RASGEF1B: variants seen among roughly 807,000 people sequenced by gnomAD.
RASGEF1B encodes ras-GEF domain-containing family member 1B.
Under a neutral mutation model 65.7 loss-of-function variants are expected in RASGEF1B, and 30 were observed. The ratio of observed to expected loss-of-function variants is 0.46; its 90% confidence interval spans 0.34 to 0.62. RASGEF1B has a LOEUF of 0.62. Ranked by LOEUF, RASGEF1B falls within the 20% of genes least tolerant of loss-of-function variation. The pLI is 0.01. For synonymous variants in RASGEF1B, 175 were observed against 194.8 expected (o/e 0.90, Z 0.85); for missense variants, 495 against 580.1 (o/e 0.85, Z 1.51).
chr4:81,455,708 G>C (rs1343252609), intron 4 of RASGEF1B: 1 of 152,316 alleles, frequency 6.6e-6, no homozygotes, highest in East Asian at 1.9e-4. Flanking sequence ...CTTCAAAAAG[G>C]ATAACCTTGA....
chr4:81,466,796 A>AAGAAAGAG, intron 1 of RASGEF1B, among the ~76,000 whole-genome samples: 1 of 149,286 alleles, frequency 6.7e-6, no homozygotes, highest in Non-Finnish European at 1.5e-5. Flanking sequence ...GAAAGAAAGA[A>AAGAAAGAG]AGAAAGAAAG....
chr4:81,445,593 C>T lies in RASGEF1B; in HGVS notation c.861G>A (p.Glu287=), dbSNP rs749935805. 33 of 1,613,902 alleles carry T rather than the reference C, an allele frequency of 2.0e-5. No individual in the cohort carries two copies. The highest frequency in any genetic ancestry group is 2.7e-5 in the Non-Finnish European group (32 of 1,179,906). ...VKKKHRARMI[E]YFIDVARECF... Reference sequence around the variant, plus strand: ...ACTCCCGAGCTACGTCAATGAAATACTCAATCATTCTTGCTCGGTGTTTTT... The same window carrying T: ...ACTCCCGAGCTACGTCAATGAAATATTCAATCATTCTTGCTCGGTGTTTTT... Residue 287 remains glutamate (E), a synonymous_variant, in exon 8 of 14, where the codon GAG becomes GAA. Transcript: ENST00000264400.
intron 4 of RASGEF1B, 88 bp downstream of exon 4, chr4:81,456,563 T>G: frequency 7.1e-7 from 1 of 1,406,888 alleles, no homozygotes; most frequent in Non-Finnish European, 1.0e-6. Context: ...GAGGAAGCAG[T>G]GGAGATTAGG....
intron 1 of RASGEF1B, among the ~76,000 whole-genome samples, chr4:81,461,034 A>G (rs1722625422): frequency 6.6e-6 from 1 of 152,094 alleles, no homozygotes; most frequent in Admixed American, 6.5e-5. Context: ...GTCTGCACAC[A>G]CCCTTAGTTG....
chr4:81,444,392 G>C (rs898137166), intron 8 of RASGEF1B, among the ~76,000 whole-genome samples: 5 of 152,216 alleles, frequency 3.3e-5, no homozygotes, highest in African/African-American at 1.2e-4. Context: ...ATTTTTTATG[G>C]GGGGAGAGAA....
chr4:81,445,763 C>T lies in RASGEF1B; in HGVS notation c.805G>A (p.Val269Ile). 1.9e-6 allele frequency: 3 copies of T among 1,613,878 alleles called. No individual in the cohort carries two copies. The highest frequency in any genetic ancestry group is 2.5e-6 in the Non-Finnish European group (3 of 1,179,828). Reference sequence around the variant, plus strand: ...CTCACCATACAGATTTCTGTAGCAACCAAGTAGCTGAGGCGATTAAACCAT... The same window carrying T: ...CTCACCATACAGATTTCTGTAGCAATCAAGTAGCTGAGGCGATTAAACCAT... ...VEWFNRLSYL[V>I]ATEICMPVKK... is the part of the protein sequence containing the mutation. Residue 269 changes from valine (V) to isoleucine (I), a missense_variant, in exon 7 of 14, where the codon GTT (valine) becomes ATT (isoleucine). By Grantham distance (29) the Val-to-Ile change is conservative. Coordinates refer to ENST00000264400, the MANE Select transcript of RASGEF1B (RefSeq NM_152545.3).
Position 81,441,107 on chromosome 4 carries a change from T to C in RASGEF1B, c.1009-178A>G, listed in dbSNP as rs568512191. On this transcript the variant is annotated intron_variant, in intron 9 of 13. Coordinates refer to ENST00000264400, the MANE Select transcript of RASGEF1B (RefSeq NM_152545.3). ...CACATGACACAAGTGTTTTCTTTCCTGAGATTTGGTGTAATTATGCGAGCT... is the reference window on the plus strand; with the variant it reads ...CACATGACACAAGTGTTTTCTTTCCCGAGATTTGGTGTAATTATGCGAGCT... Among the ~76,000 whole-genome samples the C allele has an allele frequency of 2.6e-5, 4 of 152,356 alleles. No homozygotes were observed. In the East Asian group the frequency reaches 7.7e-4, roughly 29 times the overall value.
intron 4 of RASGEF1B, chr4:81,455,097 T>A (rs1312682591): frequency 6.6e-6 from 1 of 152,276 alleles, no homozygotes; most frequent in Non-Finnish European, 1.5e-5. Flanking sequence ...GGTTTTTAAA[T>A]TTTTCACTTA....
chr4:81,439,713 A>G lies in RASGEF1B; in HGVS notation c.1104+1121T>C, dbSNP rs1020521879. Among the ~76,000 whole-genome samples the G allele has an allele frequency of 2.0e-5, 3 of 152,198 alleles. No homozygotes were observed. The South Asian group carries it at 6.2e-4, about 32-fold the overall frequency. On this transcript the variant is annotated intron_variant, in intron 10 of 13. Coordinates refer to ENST00000264400, the MANE Select transcript of RASGEF1B (RefSeq NM_152545.3). ...CTGTTTGAAGCTTAAAAGACCTCATATTAGATTTTTTTCTCAATCTAATCA... is the reference window on the plus strand; with the variant it reads ...CTGTTTGAAGCTTAAAAGACCTCATGTTAGATTTTTTTCTCAATCTAATCA...
rs377472621 is a variant in RASGEF1B at position 81,459,332 on chromosome 4, A to G, written c.177T>C (p.Asp59=). ...HLVPNVDYYP[D]RTYIFTFLLS... ...GTTTCAGAGAAACATGAATACCTAC[A>G]TCTGGATAGTAATCCACATTAGGTA... is the stretch of plus-strand genomic sequence containing the variant. The change falls in exon 2 of 14, where the codon GAT becomes GAC. Residue 59 remains aspartate, a splice_region_variant and synonymous_variant. Transcript: ENST00000264400. 1.3e-6 allele frequency: 2 copies of G among 1,585,178 alleles called. No homozygotes were observed. The highest frequency in any genetic ancestry group is 2.7e-5 in the African/African-American group (2 of 73,752).
In RASGEF1B at chr4:81,433,849, T is replaced by C; in HGVS notation, c.1315A>G (p.Ser439Gly). 1.2e-6 allele frequency: 2 copies of C among 1,613,992 alleles called. No individual in the cohort carries two copies. Among genetic ancestry groups the C allele is most frequent in the South Asian group, 1.1e-5 (1 of 91,052 alleles). Residue 439 changes from serine to glycine, a missense_variant, in exon 12 of 14, where the codon AGT (serine) becomes GGT (glycine). Transcript: ENST00000264400. ...LQYLLTVPVF[S>G]EDALYLASYE... ...TATTGAATGGCCTTACCATCTTCAC[T>C]GAAGACTGGTACTGTGAGCAGATAC...
At chr4:81,470,983 C>T (rs920483942) in intron 1 of RASGEF1B, 1 of 152,244 alleles carries the variant, frequency 6.6e-6, no homozygotes, top group Admixed American at 6.5e-5. Context: ...TTAGAAAGAA[C>T]CTCCCTTAAG....
chr4:81,432,292 G>A lies in RASGEF1B; in HGVS notation c.1397+7C>T. 1 of 1,588,370 alleles carries A rather than the reference G, an allele frequency of 6.3e-7. No homozygotes were observed. Among genetic ancestry groups the A allele is most frequent in the Non-Finnish European group, 8.6e-7 (1 of 1,157,756 alleles). On this transcript the variant is annotated splice_region_variant and intron_variant, in intron 13 of 13. Coordinates refer to ENST00000264400, the MANE Select transcript of RASGEF1B (RefSeq NM_152545.3). Reference sequence around the variant, plus strand: ...ACTTGTGCAGCAATGAGAAGAATGAGACCCACCTTAAAGACTTCCATCTGT... The same window carrying A: ...ACTTGTGCAGCAATGAGAAGAATGAAACCCACCTTAAAGACTTCCATCTGT...
chr4:81,462,036 T>G (rs1269216369), intron 1 of RASGEF1B, among the ~76,000 whole-genome samples: 3 of 152,218 alleles, frequency 2.0e-5, no homozygotes, highest in Admixed American at 6.5e-5. Flanking sequence ...TATTTATTCC[T>G]GCAGAGTAGA....
At chr4:81,467,338 AAAAC>A (rs1332968740) in intron 1 of RASGEF1B, among the ~76,000 whole-genome samples, 2 of 152,190 alleles carry the variant, frequency 1.3e-5, no homozygotes, top group Non-Finnish European at 2.9e-5. Context: ...CCTTGGAAGA[AAAAC>A]AAAGCTAAGA....
chr4:81,445,638 A>G lies in RASGEF1B; in HGVS notation c.826-10T>C, dbSNP rs778139604. ...GTTTTTTCTTAACAGGCTACACAGTAAAAGACAATAGAGGGCAGTTATCCA... is the reference window on the plus strand; with the variant it reads ...GTTTTTTCTTAACAGGCTACACAGTGAAAGACAATAGAGGGCAGTTATCCA... On this transcript the variant is annotated splice_polypyrimidine_tract_variant and intron_variant, in intron 7 of 13. Transcript: ENST00000264400. 2 of 1,606,382 alleles carry G rather than the reference A, an allele frequency of 1.2e-6. No homozygotes were observed. Among genetic ancestry groups the G allele is most frequent in the Non-Finnish European group, 1.7e-6 (2 of 1,173,048 alleles).
At chr4:81,471,060 G>A (rs1343391120) in intron 1 of RASGEF1B, 1 of 152,128 alleles carries the variant, frequency 6.6e-6, no homozygotes, top group East Asian at 1.9e-4. Context: ...GTGACCCGAG[G>A]CGACTCAACT....
chr4:81,459,310 T>A, intron 2 of RASGEF1B, 22 bp downstream of exon 2: 1 of 1,543,298 alleles, frequency 6.5e-7, no homozygotes, highest in Non-Finnish European at 8.7e-7. Flanking sequence ...AGGATGTGTT[T>A]CAGAGAAACA....
chr4:81,447,535 A>G lies in RASGEF1B; in HGVS notation c.698T>C (p.Phe233Ser). 1 of 1,614,108 alleles carries G rather than the reference A, an allele frequency of 6.2e-7. No individual in the cohort carries two copies. Among genetic ancestry groups the G allele is most frequent in the East Asian group, 2.2e-5 (1 of 44,874 alleles). The part of the protein sequence containing the change: ...YIGPEEFVQA[F>S]VQKDPLDNDK... ...ATTATCCAAAGGGTCCTTCTGCACGAACGCCTGAACAAATTCTTCTGGCCC... is the reference window on the plus strand; with the variant it reads ...ATTATCCAAAGGGTCCTTCTGCACGGACGCCTGAACAAATTCTTCTGGCCC... The change falls in exon 6 of 14, where the codon TTC becomes TCC. Residue 233 changes from phenylalanine to serine, a missense_variant. Phe to Ser is a radical substitution (Grantham distance 155). Transcript: ENST00000264400.
Sources: allele counts gnomAD v4.1 joint callset (sites outside exome capture counted in the v4.1 genomes callset), GRCh38; gene constraint gnomAD v4.1.1; transcripts MANE v1.5; gene names NCBI Gene and HGNC (gene_info 2026-07-23, HGNC 2026-07-21).